Variants in TICRR observed in about 807,000 individuals in gnomAD.
The protein encoded by TICRR is treslin.
Under a neutral mutation model 178.1 loss-of-function variants are expected in TICRR, and 132 were observed. The ratio of observed to expected loss-of-function variants is 0.74; its 90% CI spans 0.64 to 0.86. TICRR has a LOEUF of 0.86. TICRR is among the 40% of genes least tolerant of loss of function. TICRR has a pLI of 0.00. For synonymous variants in TICRR, 991 were observed against 900.7 expected, an observed-to-expected ratio of 1.10 and a Z score of -1.79; for missense variants, 2,587 against 2,334.3, an observed-to-expected ratio of 1.11 and a Z score of -2.23.
intron 15 of TICRR, among the ~76,000 whole-genome samples, 166 bp from the exon 16 acceptor site, chr15:89,616,239 C>G (rs1320540261): frequency 6.6e-6 from 1 of 152,156 alleles, no homozygotes; most frequent in Non-Finnish European, 1.5e-5. Context: ...TGACAAACTT[C>G]TATCATGTTG....
chr15:89,594,444 A>T lies in TICRR; in HGVS notation c.1571A>T (p.Glu524Val), dbSNP rs756053509. ...CTACAGGCTGCCTCAGCTAATAAGG[A>T]AGAGTCTTCCAAAACTGAAGGCGAA... is the stretch of plus-strand genomic sequence containing the variant. ...GLLQAASANK[E>V]ESSKTEGELI... The change falls in exon 6 of 22, where the codon GAA becomes GTA. Residue 524 changes from glutamate (E) to valine (V), a missense_variant. Physicochemically the swap from Glu to Val is moderately radical, Grantham distance 121. Coordinates refer to ENST00000268138, the MANE Select transcript of TICRR (RefSeq NM_152259.4). 3 of 1,612,920 alleles carry T rather than the reference A, an allele frequency of 1.9e-6. No individual in the cohort carries two copies.
Position 89,626,950 on chromosome 15 carries a change from T to C in TICRR, c.5603-6T>C. ...CTGCATGCTAAGCCTTTCTACCTTC[T>C]TCTAGATGAGGATGTGGATGTTCTT... On this transcript the variant is annotated splice_polypyrimidine_tract_variant and splice_region_variant and intron_variant, in intron 21 of 21. Transcript: ENST00000268138. 7 of 1,613,726 alleles carry C rather than the reference T, an allele frequency of 4.3e-6. No individual in the cohort carries two copies. Among genetic ancestry groups the C allele is most frequent in the Non-Finnish European group, 5.9e-6 (7 of 1,179,740 alleles).
Position 89,624,780 on chromosome 15 carries a change from G to A in TICRR, c.4470G>A (p.Gly1490=). 1 of 1,614,190 alleles carries A rather than the reference G, an allele frequency of 6.2e-7. No individual in the cohort carries two copies. The highest frequency in any genetic ancestry group is 8.5e-7 in the Non-Finnish European group (1 of 1,180,044). ...SNVLSVEEGE[G]LRTADAEKSS... ...TCTTATCAGTGGAAGAGGGTGAGGGGCTAAGGACAGCAGATGCTGAGAAGT... is the reference window on the plus strand; with the variant it reads ...TCTTATCAGTGGAAGAGGGTGAGGGACTAAGGACAGCAGATGCTGAGAAGT... Residue 1490 remains glycine, a synonymous_variant, in exon 20 of 22, where the codon GGG becomes GGA. Coordinates refer to ENST00000268138, the MANE Select transcript of TICRR (RefSeq NM_152259.4).
rs1567055823 is a variant in TICRR at position 89,627,944 on chromosome 15, T to TAAATCA, written c.*861_*866dup. On this transcript the variant is annotated 3_prime_UTR_variant, in exon 22 of 22. Transcript: ENST00000268138. ...AAATCTGATTCCTCCTATTGTCTTG[T>TAAATCA]AAATCAAACTCTAAGTGAAAACTTC... 1 of 154,528 alleles carries TAAATCA rather than the reference T, an allele frequency of 6.5e-6. No individual in the cohort carries two copies. The highest frequency in any genetic ancestry group is 1.9e-4 in the East Asian group (1 of 5,236). The allele number at this position is 154,528 out of a possible 1,614,324, so 9.6% of individuals were successfully genotyped here.
Position 89,618,228 on chromosome 15 carries a change from T to C in TICRR, c.3019+18T>C. ...AGGAGATGGTGAGTGTTATCTCTTT[T>C]TGTTTTTAATGCAATCTACCCAGCT... On this transcript the variant is annotated intron_variant, in intron 17 of 21. Transcript: ENST00000268138. The C allele has an allele frequency of 3.1e-6, 5 of 1,611,338 alleles. No homozygotes were observed. Among genetic ancestry groups the C allele is most frequent in the South Asian group, 2.2e-5 (2 of 91,022 alleles).
Position 89,575,636 on chromosome 15 carries a change from CCGCCCGCCACAGCCG to C in TICRR, c.51_65del (p.Ala18_Arg22del). ...CTGCTGCTGGACACCGCGGGCGGCG[CCGCCCGCCACAGCCG>C]GGTCCGGCGGGCCGCCCTGCGCCTC... is the stretch of plus-strand genomic sequence containing the variant. On this transcript the variant is annotated inframe_deletion, in exon 1 of 22. Transcript: ENST00000268138. 1.3e-6 allele frequency: 2 copies of C among 1,551,446 alleles called. No individual in the cohort carries two copies. Among genetic ancestry groups the C allele is most frequent in the Non-Finnish European group, 1.7e-6 (2 of 1,153,148 alleles).
chr15:89,599,070 G>A (rs1432535418), intron 7 of TICRR, among the ~76,000 whole-genome samples: 1 of 151,902 alleles, frequency 6.6e-6, no homozygotes, highest in African/African-American at 2.4e-5. Context: ...CTGGACTATT[G>A]ACATTTTAGA....
intron 4 of TICRR, among the ~76,000 whole-genome samples, chr15:89,586,929 T>C (rs567700111): frequency 6.6e-6 from 1 of 152,262 alleles, no homozygotes; most frequent in African/African-American, 2.4e-5. Context: ...TTTTCTGCAG[T>C]GACACCATCT....
intron 4 of TICRR, among the ~76,000 whole-genome samples, chr15:89,589,084 A>T (rs962052898): frequency 6.6e-6 from 1 of 151,982 alleles, no homozygotes; most frequent in Admixed American, 6.6e-5. Context: ...TTTGCTGATG[A>T]GGGTCAGTGA....
intron 5 of TICRR, among the ~76,000 whole-genome samples, chr15:89,593,108 C>T (rs923420726): frequency 2.0e-5 from 3 of 152,196 alleles, no homozygotes; most frequent in East Asian, 3.9e-4. Flanking sequence ...TTAGATACTT[C>T]GCATTTTCAT....
chr15:89,622,132 C>T (rs1443611816), intron 19 of TICRR, among the ~76,000 whole-genome samples: 1 of 152,072 alleles, frequency 6.6e-6, no homozygotes, highest in East Asian at 1.9e-4. Context: ...ATTACAGGCA[C>T]CCACCACAAC....
At chr15:89,597,312 T>G (rs1319483059) in intron 7 of TICRR, among the ~76,000 whole-genome samples, 1 of 151,944 alleles carries the variant, frequency 6.6e-6, no homozygotes, top group Non-Finnish European at 1.5e-5. Context: ...TCACCCGAGG[T>G]CAGTAGTTCG....
At position 89,606,884 on chromosome 15, in the gene TICRR, G is replaced by T. The variant is rs1224550721; in HGVS notation, c.2722+59G>T. Reference sequence around the variant, plus strand: ...CTAGCATGACAACTTTATTTTTATTGTATGTATTTAAGCAGCTGCTTACAG... The same window carrying T: ...CTAGCATGACAACTTTATTTTTATTTTATGTATTTAAGCAGCTGCTTACAG... On this transcript the variant is annotated intron_variant, in intron 14 of 21. Coordinates refer to ENST00000268138, the MANE Select transcript of TICRR (RefSeq NM_152259.4). The T allele has an allele frequency of 4.7e-6, 7 of 1,480,590 alleles. No individual in the cohort carries two copies. In the African/African-American group the frequency reaches 9.7e-5, roughly 21 times the overall value. 91.7% of individuals were successfully genotyped at this position (1,480,590 alleles called of 1,614,324 possible).
chr15:89,626,207 C>A, intron 21 of TICRR, 146 bp downstream of exon 21: 2 of 822,982 alleles, frequency 2.4e-6, no homozygotes, highest in South Asian at 1.9e-5. Flanking sequence ...CATGTGTGCC[C>A]TTCCCAGAGA....
chr15:89,611,742 C>T (rs1963259705), intron 15 of TICRR, among the ~76,000 whole-genome samples: 1 of 152,008 alleles, frequency 6.6e-6, no homozygotes, highest in African/African-American at 2.4e-5. Context: ...ATTCTTCTGC[C>T]AGCTCAAATC....
intron 13 of TICRR, among the ~76,000 whole-genome samples, chr15:89,606,286 G>T (rs1190806671): frequency 6.6e-6 from 1 of 152,188 alleles, no homozygotes; most frequent in Non-Finnish European, 1.5e-5. Context: ...AAAATGCTTA[G>T]GAGCAGAAGT....
chr15:89,620,182 G>T (rs1275651745), intron 18 of TICRR, among the ~76,000 whole-genome samples: 1 of 152,136 alleles, frequency 6.6e-6, no homozygotes, highest in Non-Finnish European at 1.5e-5. Flanking sequence ...TTCTATCCAT[G>T]GTTAGCTTGC....
In TICRR at chr15:89,576,216, G is replaced by C; in HGVS notation, c.630G>C (p.Trp210Cys). ...VMVARKITFYWVDTTEWSKLW... is the reference protein window; with the variant it reads ...VMVARKITFYCVDTTEWSKLW... Reference sequence around the variant, plus strand: ...TCGCCCGAAAAATCACCTTCTACTGGGTGGATACCACCGAATGGTCTAAGG... The same window carrying C: ...TCGCCCGAAAAATCACCTTCTACTGCGTGGATACCACCGAATGGTCTAAGG... The change falls in exon 1 of 22, where the codon TGG (tryptophan) becomes TGC (cysteine). Residue 210 changes from tryptophan to cysteine, a missense_variant. Transcript: ENST00000268138. The C allele has an allele frequency of 6.3e-7, 1 of 1,589,570 alleles. No individual in the cohort carries two copies. The highest frequency in any genetic ancestry group is 2.2e-5 in the East Asian group (1 of 44,726).
At chr15:89,598,412 G>C (rs1963036423) in intron 7 of TICRR, among the ~76,000 whole-genome samples, 1 of 152,008 alleles carries the variant, frequency 6.6e-6, no homozygotes, top group African/African-American at 2.4e-5. Context: ...GCCCAGACTG[G>C]AGTGCAATGG....
Sources: gnomAD v4.1 joint callset for allele counts (sites outside exome capture counted in the v4.1 genomes callset) on GRCh38, gnomAD v4.1.1 for gene constraint, MANE v1.5 for transcripts, NCBI Gene and HGNC (gene_info 2026-07-23, HGNC 2026-07-21) for gene names.